ANKS1B: variants seen among roughly 807,000 people sequenced by gnomAD.
ANKS1B encodes ankyrin repeat and sterile alpha motif domain-containing protein 1B.
ANKS1B carries 36 observed loss-of-function variants against 148.3 expected under a neutral mutation model. That is an observed-to-expected ratio of 0.24 (90% CI 0.19 to 0.32). The LOEUF (loss-of-function observed/expected upper bound fraction) is 0.32. Among genes scored for constraint, ANKS1B ranks in the 10% least tolerant of loss-of-function variants. ANKS1B has a pLI of 1.00. For synonymous variants in ANKS1B, 542 were observed against 560.8 expected (o/e 0.97, Z 0.47); for missense variants, 1,157 against 1,542.6 (o/e 0.75, Z 4.19).
downstream of ANKS1B, among the ~76,000 whole-genome samples, chr12:98,742,931 C>CTTTA (rs1278070863): frequency 6.6e-6 from 1 of 152,186 alleles, no homozygotes; most frequent in Non-Finnish European, 1.5e-5. Flanking sequence ...AGTTACCCAA[C>CTTTA]TTTATTTCAA....
At chr12:99,871,595 T>C (rs1031621727) in intron 1 of ANKS1B, among the ~76,000 whole-genome samples, 8 of 152,164 alleles carry the variant, frequency 5.3e-5, no homozygotes, top group African/African-American at 1.9e-4. Context: ...TTCAGCAGTG[T>C]TTAGTAGTTC....
chr12:99,273,857 T>C (rs2077359018), intron 12 of ANKS1B, among the ~76,000 whole-genome samples: 1 of 152,114 alleles, frequency 6.6e-6, no homozygotes, highest in African/African-American at 2.4e-5. Flanking sequence ...AGTGCTGGGA[T>C]TACAGGTGTA....
chr12:99,927,227 G>A (rs1432322084), intron 1 of ANKS1B, among the ~76,000 whole-genome samples: 2 of 152,068 alleles, frequency 1.3e-5, no homozygotes, highest in East Asian at 3.9e-4. Context: ...GCCTCACCCT[G>A]TCTTTCCCTG....
At chr12:99,862,843 G>C (rs1471107212) in intron 1 of ANKS1B, among the ~76,000 whole-genome samples, 2 of 152,088 alleles carry the variant, frequency 1.3e-5, no homozygotes, top group Middle Eastern at 3.2e-3. Flanking sequence ...AGAAGTAAAA[G>C]AACAACAATG....
intron 9 of ANKS1B, among the ~76,000 whole-genome samples, chr12:99,597,021 AATGACT>A (rs2097763694): frequency 6.6e-6 from 1 of 151,932 alleles, no homozygotes; most frequent in Non-Finnish European, 1.5e-5. Flanking sequence ...ATTTTATTGA[AATGACT>A]ATGCAATTTT....
intron 1 of ANKS1B, among the ~76,000 whole-genome samples, chr12:99,928,566 C>T (rs1282390357): frequency 6.6e-6 from 1 of 152,258 alleles, no homozygotes; most frequent in East Asian, 1.9e-4. Flanking sequence ...GCGTGAGCCA[C>T]CGCGCCTGGC....
At chr12:99,708,231 G>C (rs1277821561) in intron 8 of ANKS1B, among the ~76,000 whole-genome samples, 1 of 152,136 alleles carries the variant, frequency 6.6e-6, no homozygotes. Context: ...GAATACATCA[G>C]TATGGAAGTC....
intron 9 of ANKS1B, among the ~76,000 whole-genome samples, chr12:99,520,466 T>C (rs1399604934): frequency 6.6e-6 from 1 of 152,328 alleles, no homozygotes; most frequent in South Asian, 2.1e-4. Flanking sequence ...TTATTTGTTA[T>C]TTGTTTCTTT....
At chr12:99,473,695 T>C (rs1043222450) in intron 10 of ANKS1B, among the ~76,000 whole-genome samples, 1 of 152,116 alleles carries the variant, frequency 6.6e-6, no homozygotes, top group African/African-American at 2.4e-5. Context: ...CTGTGTTAAC[T>C]ATGTTTATTG....
At chr12:98,781,625 C>T in intron 23 of ANKS1B, 1 of 361,828 alleles carries the variant, frequency 2.8e-6, no homozygotes, top group Non-Finnish European at 5.4e-6. Context: ...AAAATATATG[C>T]ACCCCCCCTT....
At chr12:99,552,911 A>G (rs1438014137) in intron 9 of ANKS1B, among the ~76,000 whole-genome samples, 1 of 152,224 alleles carries the variant, frequency 6.6e-6, no homozygotes, top group African/African-American at 2.4e-5. Context: ...TTATGAGAAA[A>G]AAGTCTGTAC....
intron 10 of ANKS1B, among the ~76,000 whole-genome samples, chr12:99,502,985 G>T (rs1288150172): frequency 6.6e-6 from 1 of 152,202 alleles, no homozygotes; most frequent in Non-Finnish European, 1.5e-5. Flanking sequence ...CACCCAGGCT[G>T]CAGTGCAGTG....
intron 24 of ANKS1B, among the ~76,000 whole-genome samples, chr12:98,778,013 C>T (rs184646658): frequency 2.6e-5 from 4 of 152,292 alleles, no homozygotes; most frequent in East Asian, 3.9e-4. Context: ...TCGTTCTTCA[C>T]GACCAACAGG....
chr12:99,443,984 CTT>C (rs937092150), intron 10 of ANKS1B, among the ~76,000 whole-genome samples, 175 bp from the exon 11 acceptor site: 1 of 151,786 alleles, frequency 6.6e-6, no homozygotes, highest in African/African-American at 2.4e-5. Flanking sequence ...TTTTTGAATG[CTT>C]TGTTTCCTTC....
chr12:99,619,214 GA>G (rs2153368234), intron 9 of ANKS1B, among the ~76,000 whole-genome samples: 2 of 152,102 alleles, frequency 1.3e-5, no homozygotes, highest in East Asian at 3.9e-4. Context: ...TATAGATCAT[GA>G]TGCATCAGGA....
intron 10 of ANKS1B, among the ~76,000 whole-genome samples, chr12:99,450,249 G>A (rs140121470): frequency 8.5e-4 from 129 of 152,214 alleles, no homozygotes; most frequent in Admixed American, 2.4e-3. Context: ...ATTCAGGTCC[G>A]CAATTTATTG....
In ANKS1B at chr12:99,162,666, G is replaced by A. The variant is rs75601313; in HGVS notation, c.2420-8271C>T. Among the ~76,000 whole-genome samples the A allele has an allele frequency of 7.2e-3, 1,096 of 152,048 alleles. 14 individuals are homozygous for A. Among genetic ancestry groups the A allele is most frequent in the African/African-American group, 0.021 (865 of 41,492 alleles). On this transcript the variant is annotated intron_variant, in intron 14 of 26. Coordinates refer to ENST00000683438, the MANE Select transcript of ANKS1B (RefSeq NM_001352186.2). ...CACACACACAAAGGCAGATATGTTC[G>A]GATATATACGTATATGGGAGAGTAT...
chr12:99,948,343 A>G (rs559092437), intron 1 of ANKS1B, among the ~76,000 whole-genome samples: 3 of 152,134 alleles, frequency 2.0e-5, no homozygotes, highest in South Asian at 2.1e-4. Context: ...AAAAAAAAAG[A>G]AGGATGCCTT....
chr12:99,550,733 T>C (rs1033927853), intron 9 of ANKS1B, among the ~76,000 whole-genome samples: 2 of 152,138 alleles, frequency 1.3e-5, no homozygotes, highest in Non-Finnish European at 2.9e-5. Flanking sequence ...ACTGAAATGT[T>C]TAAGACACAT....
Sources: gnomAD v4.1 joint callset for allele counts (sites outside exome capture counted in the v4.1 genomes callset) on GRCh38, gnomAD v4.1.1 for gene constraint, MANE v1.5 for transcripts, NCBI Gene and HGNC (gene_info 2026-07-23, HGNC 2026-07-21) for gene names.